Variants in MYO5A observed in about 807,000 individuals in gnomAD.
MYO5A encodes the protein myosin VA.
A neutral mutation model predicts 249.7 loss-of-function variants in MYO5A; 98 were observed. The ratio of observed to expected loss-of-function variants is 0.39; its 90% CI spans 0.33 to 0.46. The LOEUF is 0.46. MYO5A is among the 20% of genes least tolerant of loss of function. The pLI, the probability that MYO5A is intolerant of heterozygous loss-of-function variation, is 0.98. For missense variants in MYO5A, 1,696 were observed against 2,308.8 expected, an observed-to-expected ratio of 0.73 and a Z score of 5.44; for synonymous variants, 778 against 810.6, an observed-to-expected ratio of 0.96 and a Z score of 0.68.
intron 1 of MYO5A, among the ~76,000 whole-genome samples, chr15:52,518,362 G>T (rs1480155853): frequency 1.3e-5 from 2 of 151,592 alleles, no homozygotes; most frequent in Non-Finnish European, 2.9e-5. Flanking sequence ...AGTATAAACA[G>T]TAAGAGTGGG....
At chr15:52,489,020 A>G (rs2141528424) in intron 1 of MYO5A, among the ~76,000 whole-genome samples, 1 of 152,344 alleles carries the variant, frequency 6.6e-6, no homozygotes, top group Admixed American at 6.5e-5. Context: ...TATCTTCTAC[A>G]TGGCGTGTAC....
chr15:52,482,165 G>A (rs566871889), intron 1 of MYO5A, among the ~76,000 whole-genome samples: 1 of 152,288 alleles, frequency 6.6e-6, no homozygotes, highest in East Asian at 1.9e-4. Flanking sequence ...AGGCATGCAC[G>A]GGGTCTGTGA....
At chr15:52,507,531 A>C (rs2077298155) in intron 1 of MYO5A, among the ~76,000 whole-genome samples, 1 of 152,290 alleles carries the variant, frequency 6.6e-6, no homozygotes, top group South Asian at 2.1e-4. Flanking sequence ...TAAGAGTGTG[A>C]TAAGGGCCTG....
intron 11 of MYO5A, 149 bp downstream of exon 11, chr15:52,396,167 A>G: frequency 1.6e-6 from 1 of 623,114 alleles, no homozygotes; most frequent in South Asian, 2.0e-5. Flanking sequence ...CATTTTTCTA[A>G]TGTTGTACCA....
chr15:52,482,371 C>G (rs2141497051), intron 1 of MYO5A, among the ~76,000 whole-genome samples: 1 of 152,302 alleles, frequency 6.6e-6, no homozygotes, highest in East Asian at 1.9e-4. Context: ...GGCTTGGGCC[C>G]TTTGCTGCTG....
rs1361801889 is a variant in MYO5A at position 52,319,255 on chromosome 15, T to A, written c.5039A>T (p.Asp1680Val). Residue 1680 changes from aspartate (D) to valine (V), a missense_variant, in exon 39 of 42, where the codon GAT (aspartate) becomes GTT (valine). Around this residue, in one of 5 missense-constraint regions of MYO5A, gnomAD observed 625 missense variants for 908.1 expected, o/e 0.69. Coordinates refer to ENST00000399233, the MANE Select transcript of MYO5A (RefSeq NM_001382347.1). ...GLRKRTSSIA[D>V]EGTYTLDSIL... is the part of the protein sequence containing the mutation. ...GGAGTCCAGTGTGTAGGTGCCCTCA[T>A]CGGCGATACTGGAGGTTCGCTTTCT... 3 of 1,613,998 alleles carry A rather than the reference T, an allele frequency of 1.9e-6. No homozygotes were observed. The highest frequency in any genetic ancestry group is 2.5e-6 in the Non-Finnish European group (3 of 1,180,004).
intron 2 of MYO5A, among the ~76,000 whole-genome samples, chr15:52,429,676 G>A (rs1316299976): frequency 6.8e-6 from 1 of 147,962 alleles, no homozygotes; most frequent in African/African-American, 2.5e-5. Flanking sequence ...GCTACAGAGC[G>A]AGACTCCATC....
intron 1 of MYO5A, among the ~76,000 whole-genome samples, chr15:52,475,672 T>A (rs1011342602): frequency 2.6e-5 from 4 of 152,234 alleles, no homozygotes; most frequent in Non-Finnish European, 4.4e-5. Flanking sequence ...GAGCAGGTTG[T>A]TCAGTTTCCA....
intron 1 of MYO5A, among the ~76,000 whole-genome samples, chr15:52,467,861 G>T (rs1724613): frequency 6.6e-6 from 1 of 152,024 alleles, no homozygotes; most frequent in Non-Finnish European, 1.5e-5. Flanking sequence ...GAAGAGAATG[G>T]GATGGCATTT....
At chr15:52,357,771 C>T (rs1007421110) in intron 25 of MYO5A, among the ~76,000 whole-genome samples, 5 of 152,292 alleles carry the variant, frequency 3.3e-5, no homozygotes, top group Admixed American at 6.5e-5. Flanking sequence ...GGCCATCTGT[C>T]ACAGAGAAGT....
intron 1 of MYO5A, among the ~76,000 whole-genome samples, chr15:52,518,105 G>C (rs1418770529): frequency 1.3e-5 from 2 of 151,954 alleles, no homozygotes; most frequent in African/African-American, 4.8e-5. Context: ...GGGTTTGTGT[G>C]ATTCTCCCCC....
intron 30 of MYO5A, among the ~76,000 whole-genome samples, chr15:52,345,697 T>C (rs1055181336): frequency 6.6e-6 from 1 of 152,140 alleles, no homozygotes; most frequent in Non-Finnish European, 1.5e-5. Context: ...ACTCCACAGA[T>C]AGGGATCCAA....
In MYO5A at chr15:52,376,374, C is replaced by G. The variant is rs775956371; in HGVS notation, c.2393G>C (p.Arg798Thr). The G allele has an allele frequency of 1.2e-5, 20 of 1,614,076 alleles. No individual in the cohort carries two copies. Among genetic ancestry groups the G allele is most frequent in the Non-Finnish European group, 1.6e-5 (19 of 1,180,040 alleles). Residue 798 changes from arginine to threonine, a missense_variant, in exon 19 of 42, where the codon AGA (arginine) becomes ACA (threonine). This residue lies in a region of MYO5A where 412 missense variants were observed against 453.3 expected (regional missense o/e 0.91). Transcript: ENST00000399233. ...TCGGGCCTGGTAGCCCCGCACGTAT[C>G]TCTGCATGGTGATGGCTGCCTTCCG... Reference protein sequence around the residue: ...RMRKAAITMQRYVRGYQARCY... With the variant: ...RMRKAAITMQTYVRGYQARCY...
At chr15:52,406,709 A>G (rs985489527) in intron 8 of MYO5A, among the ~76,000 whole-genome samples, 12 of 152,050 alleles carry the variant, frequency 7.9e-5, no homozygotes, top group African/African-American at 2.9e-4. Context: ...AAGGCCCAAC[A>G]TTTTTTAAAT....
intron 3 of MYO5A, among the ~76,000 whole-genome samples, chr15:52,427,772 G>C (rs1236150909): frequency 6.6e-6 from 1 of 151,946 alleles, no homozygotes; most frequent in Non-Finnish European, 1.5e-5. Context: ...AGAAAAAATA[G>C]CCAGAGAAAA....
At chr15:52,342,112 AC>A (rs1224385119) in intron 31 of MYO5A, among the ~76,000 whole-genome samples, 2 of 152,164 alleles carry the variant, frequency 1.3e-5, no homozygotes, top group African/African-American at 4.8e-5. Context: ...TAATCCCAAC[AC>A]TTTGGGAGGC....
chr15:52,434,327 C>T (rs1179492870), intron 1 of MYO5A, among the ~76,000 whole-genome samples: 1 of 152,052 alleles, frequency 6.6e-6, no homozygotes, highest in African/African-American at 2.4e-5. Flanking sequence ...TGGTGGTTTG[C>T]ATCCTGTGCT....
chr15:52,474,689 A>AT (rs2076552372), intron 1 of MYO5A, among the ~76,000 whole-genome samples: 1 of 152,214 alleles, frequency 6.6e-6, no homozygotes, highest in Non-Finnish European at 1.5e-5. Flanking sequence ...GATGGATTAC[A>AT]TTTATTGATT....
At chr15:52,373,169 T>TAA (rs1275045396) in intron 20 of MYO5A, among the ~76,000 whole-genome samples, 1 of 150,644 alleles carries the variant, frequency 6.6e-6, no homozygotes, top group Non-Finnish European at 1.5e-5. Context: ...TTACATTTCC[T>TAA]AAAAAAAAAT....
Sources: gnomAD v4.1 joint callset for allele counts (sites outside exome capture counted in the v4.1 genomes callset) on GRCh38, gnomAD v4.1.1 for gene constraint, gnomAD v4.1.1 regional missense constraint, MANE v1.5 for transcripts, NCBI Gene and HGNC (gene_info 2026-07-23, HGNC 2026-07-21) for gene names.